Variants in CEP152 observed in about 807,000 individuals in gnomAD.
The protein encoded by CEP152 is centrosomal protein of 152 kDa.
A neutral mutation model predicts 188.9 loss-of-function variants in CEP152; 132 were observed. That is an observed-to-expected ratio of 0.70 (90% CI 0.61 to 0.81). CEP152 has a LOEUF of 0.81. CEP152 is among the 30% of genes least tolerant of loss of function. The pLI, the probability that CEP152 is intolerant of heterozygous loss-of-function variation, is 0.00. For synonymous variants in CEP152, 649 were observed against 666.6 expected (o/e 0.97, Z 0.41); for missense variants, 1,914 against 1,969.8 (o/e 0.97, Z 0.54).
intron 18 of CEP152, 114 bp from the exon 19 acceptor site, chr15:48,760,380 A>G: frequency 7.7e-7 from 1 of 1,294,492 alleles, no homozygotes; most frequent in Non-Finnish European, 1.1e-6. Flanking sequence ...ACTACATAAT[A>G]AAGTCAAACT....
chr15:48,806,698 C>T (rs1898006093), intron 1 of CEP152, among the ~76,000 whole-genome samples: 1 of 152,204 alleles, frequency 6.6e-6, no homozygotes, highest in South Asian at 2.1e-4. Context: ...CTCGTCTTAA[C>T]AGATACGAAC....
Position 48,788,831 on chromosome 15 carries a change from CA to C in CEP152, c.1142del (p.Leu381TrpfsTer18). 1 of 1,614,162 alleles carries C rather than the reference CA, an allele frequency of 6.2e-7. No homozygotes were observed. Among genetic ancestry groups the C allele is most frequent in the Non-Finnish European group, 8.5e-7 (1 of 1,180,018 alleles). ...EEQVLSLQKN[L>X]DATVTALKEQ... is the part of the protein sequence containing the mutation. ...CTTTAAGTGCGGTGACTGTGGCATC[CA>C]AATTCTTTTGTAAGGACAATACTTG... On this transcript the variant is annotated frameshift_variant, in exon 9 of 27. Transcript: ENST00000380950. LOFTEE classifies it high-confidence loss of function.
chr15:48,808,585 T>C (rs900716097), intron 1 of CEP152, among the ~76,000 whole-genome samples: 10 of 152,070 alleles, frequency 6.6e-5, no homozygotes, highest in Non-Finnish European at 1.3e-4. Flanking sequence ...TCGTGATGTT[T>C]CAAAGAAGTG....
rs1896833320 is a variant in CEP152 at position 48,788,842 on chromosome 15, G to C, written c.1132C>G (p.Gln378Glu). The C allele has an allele frequency of 6.2e-7, 1 of 1,614,158 alleles. No individual in the cohort carries two copies. Among genetic ancestry groups the C allele is most frequent in the African/African-American group, 1.3e-5 (1 of 75,028 alleles). The change falls in exon 9 of 27, where the codon CAA becomes GAA. Residue 378 changes from glutamine (Q) to glutamate (E), a missense_variant. Coordinates refer to ENST00000380950, the MANE Select transcript of CEP152 (RefSeq NM_001194998.2). ...GTGACTGTGGCATCCAAATTCTTTT[G>C]TAAGGACAATACTTGCTCTTCGTAC... ...KKYEEQVLSL[Q>E]KNLDATVTAL...
intron 17 of CEP152, among the ~76,000 whole-genome samples, chr15:48,764,937 C>T (rs147421173): frequency 9.2e-4 from 140 of 151,938 alleles, no homozygotes; most frequent in African/African-American, 3.3e-3. Context: ...CCAGAAGTGC[C>T]CTCACTTGTT....
intron 12 of CEP152, among the ~76,000 whole-genome samples, chr15:48,778,043 G>A (rs1279225726): frequency 6.6e-6 from 1 of 152,184 alleles, no homozygotes; most frequent in East Asian, 1.9e-4. Context: ...AGACCAAAGG[G>A]AAAAGGCATT....
chr15:48,762,080 ATAAT>A lies in CEP152; in HGVS notation c.2562+307_2562+310del, dbSNP rs772382205. Among the ~76,000 whole-genome samples the A allele has an allele frequency of 9.0e-4, 137 of 152,262 alleles. 2 individuals are homozygous for A. The highest frequency in any genetic ancestry group is 4.3e-4 in the Non-Finnish European group (29 of 68,048). On this transcript the variant is annotated intron_variant, in intron 18 of 26. Coordinates refer to ENST00000380950, the MANE Select transcript of CEP152 (RefSeq NM_001194998.2). ...CTAAAAAATTAGATATGAAAGATTA[ATAAT>A]TAAACTGTGATTCATTCAGATGTAA...
chr15:48,806,194 A>C (rs2140935669), intron 1 of CEP152, among the ~76,000 whole-genome samples: 1 of 152,314 alleles, frequency 6.6e-6, no homozygotes, highest in South Asian at 2.1e-4. Context: ...ATAAGTCTTA[A>C]ATGTCCTCCT....
intron 17 of CEP152, among the ~76,000 whole-genome samples, chr15:48,764,715 T>C (rs1285155368): frequency 6.6e-6 from 1 of 152,188 alleles, no homozygotes; most frequent in Non-Finnish European, 1.5e-5. Flanking sequence ...GAAAGTTCTG[T>C]GTGCTACTAA....
chr15:48,732,975 CAG>C (rs2140526844), downstream of CEP152, among the ~76,000 whole-genome samples: 1 of 151,998 alleles, frequency 6.6e-6, no homozygotes, highest in African/African-American at 2.4e-5. Flanking sequence ...CCTGTAGTCC[CAG>C]CTACTTGGGA....
At chr15:48,804,812 C>T (rs749335864) in intron 2 of CEP152, among the ~76,000 whole-genome samples, 8 of 152,214 alleles carry the variant, frequency 5.3e-5, no homozygotes, top group Non-Finnish European at 7.3e-5. Flanking sequence ...AAAATACAAA[C>T]ACCTTATCAT....
At chr15:48,747,976 C>T (rs2140612210) in intron 22 of CEP152, among the ~76,000 whole-genome samples, 2 of 152,254 alleles carry the variant, frequency 1.3e-5, no homozygotes, top group South Asian at 4.2e-4. Context: ...AAGGCTTAGT[C>T]AAACCTTTCT....
chr15:48,766,350 C>T (rs547258292), intron 17 of CEP152, among the ~76,000 whole-genome samples: 59 of 152,212 alleles, frequency 3.9e-4, no homozygotes, highest in South Asian at 1.0e-3. Flanking sequence ...TGTGGTTTGC[C>T]GCTGGTCCAA....
intron 17 of CEP152, among the ~76,000 whole-genome samples, chr15:48,763,224 A>G (rs1421822806): frequency 6.6e-6 from 1 of 152,260 alleles, no homozygotes; most frequent in Non-Finnish European, 1.5e-5. Context: ...CTTTAACAGT[A>G]CAGTGAGGTG....
intron 15 of CEP152, among the ~76,000 whole-genome samples, chr15:48,767,673 G>A (rs1895225647): frequency 6.6e-6 from 1 of 152,168 alleles, no homozygotes; most frequent in Non-Finnish European, 1.5e-5. Flanking sequence ...AATGTTTCTA[G>A]AGAACAATTA....
At chr15:48,732,939 A>C (rs1892473706), downstream of CEP152, among the ~76,000 whole-genome samples, 1 of 151,924 alleles carries the variant, frequency 6.6e-6, no homozygotes, top group Non-Finnish European at 1.5e-5. Context: ...TAAAAAAAAA[A>C]AATTAGCCAG....
intron 17 of CEP152, among the ~76,000 whole-genome samples, chr15:48,765,364 T>C (rs1193639832): frequency 1.3e-5 from 2 of 152,184 alleles, no homozygotes; most frequent in African/African-American, 4.8e-5. Flanking sequence ...AATTAAAATT[T>C]TTTTTTAATT....
intron 2 of CEP152, among the ~76,000 whole-genome samples, chr15:48,801,465 TAAACCA>T (rs989351820): frequency 6.6e-6 from 1 of 152,344 alleles, no homozygotes; most frequent in African/African-American, 2.4e-5. Context: ...ACCTGCTACC[TAAACCA>T]TCTACCTTTC....
At chr15:48,768,134 G>C in intron 15 of CEP152, 85 bp downstream of exon 15, 1 of 812,284 alleles carries the variant, frequency 1.2e-6, no homozygotes, top group Non-Finnish European at 2.2e-6. Context: ...CAATCATTTT[G>C]AATCTTTTTG....
Sources: gnomAD v4.1 joint callset for allele counts (sites outside exome capture counted in the v4.1 genomes callset) on GRCh38, gnomAD v4.1.1 for gene constraint, MANE v1.5 for transcripts, NCBI Gene and HGNC (gene_info 2026-07-23, HGNC 2026-07-21) for gene names.